The following LSP1 variants were observed in gnomAD, a reference collection of about 807,000 sequenced individuals.
LSP1 encodes the protein lymphocyte-specific protein 1.
A neutral mutation model predicts 49.3 loss-of-function variants in LSP1; 32 were observed. That is an observed-to-expected ratio of 0.65 (90% confidence interval 0.49 to 0.87). LSP1 has a LOEUF of 0.87. Among genes scored for constraint, LSP1 ranks in the 40% least tolerant of loss-of-function variants. The pLI is 0.00. For missense variants in LSP1, 428 were observed against 442.6 expected, an observed-to-expected ratio of 0.97 and a Z score of 0.30; for synonymous variants, 179 against 178.8, an observed-to-expected ratio of 1.00 and a Z score of -0.01.
intron 1 of LSP1, chr11:1,866,773 A>G (rs998239117): frequency 2.3e-5 from 35 of 1,550,300 alleles, no homozygotes; most frequent in Non-Finnish European, 3.0e-5. Context: ...TACTTAACAA[A>G]TGGGCCCAAG....
intron 1 of LSP1, among the ~76,000 whole-genome samples, chr11:1,871,828 G>T (rs1454623629): frequency 6.8e-6 from 1 of 147,148 alleles, no homozygotes; most frequent in Non-Finnish European, 1.5e-5. Context: ...GCACTTTTGG[G>T]ACGGGGTGTG....
chr11:1,867,005 T>G (rs1040153157), intron 1 of LSP1: 361 of 1,275,194 alleles, frequency 2.8e-4, no homozygotes, highest in Non-Finnish European at 3.5e-4. Context: ...TGAAGCCGCG[T>G]GGGCCCAGGC....
At position 1,853,706 on chromosome 11, in the gene LSP1, A is replaced by G. The variant is rs182986237; in HGVS notation, c.53+509A>G. On this transcript the variant is annotated intron_variant, in intron 1 of 10. Transcript: ENST00000311604. ...CTTGGGGCCCAGCAGGCCTCAGGGC[A>G]GGGCACCCAAAGCTGCCCTTGACCT... is the stretch of plus-strand genomic sequence containing the variant. 8.2e-3 allele frequency among the ~76,000 whole-genome samples: 1,244 copies of G among 152,294 alleles called. 12 individuals carry two copies. The highest frequency in any genetic ancestry group is 0.028 in the African/African-American group (1,178 of 41,556).
rs114070728 is a variant in LSP1 at position 1,875,725 on chromosome 11, G to A, written c.54-4362G>A. Among the ~76,000 whole-genome samples the A allele has an allele frequency of 9.9e-3, 1,511 of 152,316 alleles. 24 individuals are homozygous for A. The highest frequency in any genetic ancestry group is 0.035 in the African/African-American group (1,458 of 41,584). On this transcript the variant is annotated intron_variant, in intron 1 of 10. Transcript: ENST00000311604. ...CAACCGGGAAGGTGCTAGAGGCCCC[G>A]GGGGGGAGGCTGGGCCAGCACCAGG...
chr11:1,882,472 C>T (rs1406379611), intron 3 of LSP1, among the ~76,000 whole-genome samples: 6 of 152,182 alleles, frequency 3.9e-5, no homozygotes, highest in African/African-American at 1.4e-4. Context: ...ACCACTGGTC[C>T]TGGCCTGGCG....
chr11:1,891,288 A>G (rs1848991630), intron 10 of LSP1: 1 of 152,086 alleles, frequency 6.6e-6, no homozygotes, highest in Non-Finnish European at 1.5e-5. Context: ...ACATTGACAA[A>G]TGGCATCTGT....
chr11:1,883,291 C>T, intron 3 of LSP1, 128 bp from the exon 4 acceptor site: 1 of 1,177,844 alleles, frequency 8.5e-7, no homozygotes, highest in Non-Finnish European at 1.2e-6. Context: ...GGTCTCAGAT[C>T]CCTTGGCACT....
In LSP1 at chr11:1,872,518, T is replaced by C. The variant is rs111330370; in HGVS notation, c.54-7569T>C. Reference sequence around the variant, plus strand: ...GTGTGTGGTGGGCAGGCCTGGGCTGTAGTCACCCTGGTGCACGCTGGTAGA... The same window carrying C: ...GTGTGTGGTGGGCAGGCCTGGGCTGCAGTCACCCTGGTGCACGCTGGTAGA... On this transcript the variant is annotated intron_variant, in intron 1 of 10. Coordinates refer to ENST00000311604, the MANE Select transcript of LSP1 (RefSeq NM_002339.3). Among the ~76,000 whole-genome samples the C allele has an allele frequency of 6.5e-3, 710 of 109,010 alleles. 2 individuals carry two copies. The highest frequency in any genetic ancestry group is 0.015 in the Middle Eastern group (2 of 134). 71.5% of individuals were successfully genotyped at this position (109,010 alleles called of 152,430 possible). A position where few individuals can be genotyped will look rare whatever the true frequency, so the allele number is the denominator to read the frequency against.
Position 1,858,063 on chromosome 11 carries a change from A to G in LSP1, c.53+4866A>G, listed in dbSNP as rs577503001. 5.9e-5 allele frequency among the ~76,000 whole-genome samples: 9 copies of G among 152,272 alleles called. No individual in the cohort carries two copies. In the South Asian group the frequency reaches 1.0e-3, roughly 18 times the overall value. On this transcript the variant is annotated intron_variant, in intron 1 of 10. Coordinates refer to ENST00000311604, the MANE Select transcript of LSP1 (RefSeq NM_002339.3). ...GAACCACCGCGCCCTGCCTTTGCCA[A>G]GCTTTTTAAACCAAGGCTCTTGTTT... is the stretch of plus-strand genomic sequence containing the variant.
Position 1,884,480 on chromosome 11 carries a change from A to G in LSP1, c.636-20A>G, listed in dbSNP as rs372438971. On this transcript the variant is annotated intron_variant, in intron 6 of 10. Transcript: ENST00000311604. This position sits in a 1 kb window ranked among gnomAD's most constrained non-coding sequence, Gnocchi z 4.1. ...AGCCTTGTGGGAGACATGGGGCCTG[A>G]CACATCTTCTACCCTCCAGTAACAG... is the stretch of plus-strand genomic sequence containing the variant. The G allele has an allele frequency of 2.8e-5, 45 of 1,610,620 alleles. No homozygotes were observed. Among genetic ancestry groups the G allele is most frequent in the Non-Finnish European group, 3.7e-5 (43 of 1,177,150 alleles).
chr11:1,867,959 T>G (rs1847848868), intron 1 of LSP1, among the ~76,000 whole-genome samples: 2 of 152,166 alleles, frequency 1.3e-5, no homozygotes, highest in South Asian at 2.1e-4. Flanking sequence ...GGCTTCTGGC[T>G]GGCAGGGTCA....
chr11:1,882,815 A>T (rs1008795925), intron 3 of LSP1, among the ~76,000 whole-genome samples: 3 of 151,926 alleles, frequency 2.0e-5, no homozygotes, highest in Non-Finnish European at 2.9e-5. Context: ...AATCATGGAA[A>T]ATTCGAGAAT....
chr11:1,867,832 C>T (rs569022566), intron 1 of LSP1, among the ~76,000 whole-genome samples: 8 of 151,978 alleles, frequency 5.3e-5, no homozygotes, highest in African/African-American at 1.9e-4. Context: ...CGTCGCCCCC[C>T]ACCCCTGCCC....
chr11:1,890,114 G>A, intron 10 of LSP1: 1 of 717,052 alleles, frequency 1.4e-6, no homozygotes, highest in Non-Finnish European at 2.6e-6. Flanking sequence ...TAGGTTCTGG[G>A]GCCGAGGCTA....
intron 1 of LSP1, chr11:1,870,032 G>A (rs1009607116): frequency 9.9e-6 from 4 of 405,186 alleles, no homozygotes; most frequent in East Asian, 7.3e-5. Flanking sequence ...CCGAGCCTCC[G>A]TTTGTGCATC....
rs1231548254 is a variant in LSP1 at position 1,884,206 on chromosome 11, G to A, written c.592-74G>A. 1 of 1,557,942 alleles carries A rather than the reference G, an allele frequency of 6.4e-7. No homozygotes were observed. The highest frequency in any genetic ancestry group is 1.4e-5 in the African/African-American group (1 of 73,874). ...AGGGTTGGGGGTTGGATTAGTGGTT[G>A]GAGTAGCTGGGGAGATGGAGGGTGG... On this transcript the variant is annotated intron_variant, in intron 5 of 10. Coordinates refer to ENST00000311604, the MANE Select transcript of LSP1 (RefSeq NM_002339.3). This position sits in a 1 kb window ranked among gnomAD's most constrained non-coding sequence, Gnocchi z 4.1.
rs539878229 is a variant in LSP1 at position 1,887,397 on chromosome 11, G to T, written c.931-77G>T. 9.4e-5 allele frequency: 148 copies of T among 1,566,152 alleles called. No homozygotes were observed. In the African/African-American group the frequency reaches 1.5e-3, roughly 16 times the overall value. On this transcript the variant is annotated intron_variant, in intron 9 of 10. Transcript: ENST00000311604. ...GGGACTGTCCTCTGTGCATCTGGGA[G>T]GGCTTCCCAGAGGCGGAGGCAGCAT...
chr11:1,863,406 G>A (rs1407333584), intron 1 of LSP1: 7 of 152,304 alleles, frequency 4.6e-5, no homozygotes, highest in African/African-American at 1.7e-4. Context: ...GTGCACAGAT[G>A]GTGGCCCAGG....
intron 1 of LSP1, among the ~76,000 whole-genome samples, chr11:1,857,185 G>A (rs892562181): frequency 1.3e-5 from 2 of 152,142 alleles, no homozygotes; most frequent in Non-Finnish European, 1.5e-5. Context: ...GCACAAGTGG[G>A]AGCATCACAG....
Sources: allele counts gnomAD v4.1 joint callset (sites outside exome capture counted in the v4.1 genomes callset), GRCh38; gene constraint gnomAD v4.1.1; non-coding constraint Gnocchi (gnomAD v3.1); transcripts MANE v1.5; gene names NCBI Gene and HGNC (gene_info 2026-07-23, HGNC 2026-07-21).